The following SCAPER variants were observed in gnomAD, a reference collection of about 807,000 sequenced individuals.
The protein encoded by SCAPER is S phase cyclin A-associated protein in the endoplasmic reticulum.
Under a neutral mutation model 182.2 loss-of-function variants are expected in SCAPER, and 98 were observed. The ratio of observed to expected loss-of-function variants is 0.54; its 90% confidence interval spans 0.46 to 0.64. The LOEUF is 0.64. Among genes scored for constraint, SCAPER ranks in the 30% least tolerant of loss-of-function variants. The pLI, the probability that SCAPER is intolerant of heterozygous loss-of-function variation, is 0.00. For missense variants in SCAPER, 1,432 were observed against 1,690.0 expected (o/e 0.85, Z 2.68); for synonymous variants, 605 against 564.6 (o/e 1.07, Z -1.01).
chr15:76,660,617 A>C (rs544249075), intron 21 of SCAPER, among the ~76,000 whole-genome samples: 1 of 152,296 alleles, frequency 6.6e-6, no homozygotes, highest in South Asian at 2.1e-4. Flanking sequence ...CATCTAAAAA[A>C]ATAAAAACAA....
chr15:76,780,367 T>C (rs1427230736), intron 8 of SCAPER, among the ~76,000 whole-genome samples: 1 of 152,160 alleles, frequency 6.6e-6, no homozygotes, highest in East Asian at 1.9e-4. Context: ...GTAAACAAAG[T>C]GGCCGGGAAG....
chr15:76,825,997 G>A (rs1432539718), intron 5 of SCAPER, among the ~76,000 whole-genome samples: 2 of 152,070 alleles, frequency 1.3e-5, no homozygotes, highest in African/African-American at 4.8e-5. Context: ...CACCCACATC[G>A]GCCTCCCAAA....
At chr15:76,551,643 G>A (rs2045780030) in intron 23 of SCAPER, among the ~76,000 whole-genome samples, 2 of 152,160 alleles carry the variant, frequency 1.3e-5, no homozygotes, top group Non-Finnish European at 2.9e-5. Context: ...CTATTGCACA[G>A]TAGGGTGACC....
At position 76,768,418 on chromosome 15, in the gene SCAPER, A is replaced by G. The variant is rs530324972; in HGVS notation, c.1249-1330T>C. Among the ~76,000 whole-genome samples the G allele has an allele frequency of 2.6e-5, 4 of 152,368 alleles. No homozygotes were observed. In the South Asian group the frequency reaches 8.3e-4, roughly 32 times the overall value. On this transcript the variant is annotated intron_variant, in intron 10 of 31. Coordinates refer to ENST00000563290, the MANE Select transcript of SCAPER (RefSeq NM_020843.4). ...AACTAAGACATGAATGAACCTCTAAAATATGCTAAGAAGTCAGTCACAAAT... is the reference window on the plus strand; with the variant it reads ...AACTAAGACATGAATGAACCTCTAAGATATGCTAAGAAGTCAGTCACAAAT...
At chr15:76,434,009 T>G in intron 26 of SCAPER, 69 bp downstream of exon 26, 271 of 1,330,252 alleles carry the variant, frequency 2.0e-4, no homozygotes, top group Non-Finnish European at 2.5e-4. Flanking sequence ...ACATGGGCCT[T>G]GAGATTTAAA....
intron 29 of SCAPER, among the ~76,000 whole-genome samples, chr15:76,366,258 G>C (rs2041813917): frequency 6.6e-6 from 1 of 152,142 alleles, no homozygotes; most frequent in South Asian, 2.1e-4. Context: ...ACTTTCCTGT[G>C]AGAACTGAGG....
At chr15:76,569,404 TA>T (rs1261894133) in intron 23 of SCAPER, among the ~76,000 whole-genome samples, 1 of 152,180 alleles carries the variant, frequency 6.6e-6, no homozygotes, top group East Asian at 1.9e-4. Context: ...TGTGATATAT[TA>T]TCCTTATTAG....
intron 10 of SCAPER, among the ~76,000 whole-genome samples, chr15:76,770,725 T>C (rs1021142376): frequency 2.6e-5 from 4 of 152,272 alleles, no homozygotes; most frequent in African/African-American, 4.8e-5. Context: ...CTGAAAAATA[T>C]ACAATTTGAT....
At chr15:76,563,401 C>T (rs1450202418) in intron 23 of SCAPER, among the ~76,000 whole-genome samples, 1 of 152,120 alleles carries the variant, frequency 6.6e-6, no homozygotes, top group African/African-American at 2.4e-5. Context: ...TACCTCTATG[C>T]ACATAAACTA....
chr15:76,460,190 A>G (rs2142952032), intron 25 of SCAPER, among the ~76,000 whole-genome samples: 1 of 152,228 alleles, frequency 6.6e-6, no homozygotes, highest in Non-Finnish European at 1.5e-5. Context: ...TACATTAATT[A>G]TTCTGATCCA....
intron 6 of SCAPER, among the ~76,000 whole-genome samples, chr15:76,803,192 G>A (rs1323189601): frequency 6.6e-6 from 1 of 152,144 alleles, no homozygotes; most frequent in Non-Finnish European, 1.5e-5. Flanking sequence ...CTCATCTCAT[G>A]CTACTCTCCC....
intron 14 of SCAPER, among the ~76,000 whole-genome samples, chr15:76,760,215 A>C (rs552306911): frequency 8.5e-5 from 13 of 152,324 alleles, no homozygotes; most frequent in African/African-American, 2.9e-4. Flanking sequence ...GCTAATCACA[A>C]GTCCCAAGTT....
chr15:76,521,971 C>T (rs1364623599), intron 23 of SCAPER, among the ~76,000 whole-genome samples: 1 of 151,988 alleles, frequency 6.6e-6, no homozygotes, highest in Non-Finnish European at 1.5e-5. Flanking sequence ...ATGCATTATT[C>T]AGAAATGCAT....
intron 23 of SCAPER, among the ~76,000 whole-genome samples, chr15:76,518,910 G>A (rs1183851817): frequency 2.6e-5 from 4 of 152,198 alleles, no homozygotes; most frequent in Admixed American, 1.3e-4. Flanking sequence ...TAAAGCAAAT[G>A]TGATCAAGTG....
At chr15:76,576,948 G>A (rs2047873224) in intron 22 of SCAPER, 2 of 152,150 alleles carry the variant, frequency 1.3e-5, no homozygotes. Context: ...TTGAAAGGAG[G>A]TTTAAGCCAC....
chr15:76,773,569 C>T (rs1280749686), intron 9 of SCAPER, among the ~76,000 whole-genome samples: 2 of 151,846 alleles, frequency 1.3e-5, no homozygotes, highest in African/African-American at 4.8e-5. Flanking sequence ...ACTTCCTATG[C>T]GTTTAGGACT....
chr15:76,512,096 C>T (rs927727512), intron 23 of SCAPER, among the ~76,000 whole-genome samples: 20 of 151,682 alleles, frequency 1.3e-4, no homozygotes, highest in Admixed American at 5.9e-4. Flanking sequence ...CCATGTTGGT[C>T]AGGCCGGTCT....
intron 18 of SCAPER, among the ~76,000 whole-genome samples, chr15:76,703,963 T>C (rs1191834546): frequency 6.6e-6 from 1 of 152,172 alleles, no homozygotes; most frequent in East Asian, 1.9e-4. Context: ...GGAGCCAGCA[T>C]GTAAATAACT....
chr15:76,888,467 A>C (rs1279014166), intron 1 of SCAPER, among the ~76,000 whole-genome samples: 1 of 152,220 alleles, frequency 6.6e-6, no homozygotes, highest in African/African-American at 2.4e-5. Flanking sequence ...TGAACAGTGG[A>C]GAGAAGACCT....
Sources: allele counts gnomAD v4.1 joint callset (sites outside exome capture counted in the v4.1 genomes callset), GRCh38; gene constraint gnomAD v4.1.1; transcripts MANE v1.5; gene names NCBI Gene and HGNC (gene_info 2026-07-23, HGNC 2026-07-21).